Variants in ZFPM2 observed in about 807,000 individuals in gnomAD.
ZFPM2 encodes the protein zinc finger protein ZFPM2.
A neutral mutation model predicts 98.6 loss-of-function variants in ZFPM2; 20 were observed. That is an observed-to-expected ratio of 0.20 (90% CI 0.14 to 0.29). The LOEUF (loss-of-function observed/expected upper bound fraction) is 0.29. ZFPM2 is among the 10% of genes least tolerant of loss of function. The pLI is 1.00. For synonymous variants in ZFPM2, 518 were observed against 502.7 expected, an observed-to-expected ratio of 1.03 and a Z score of -0.41; for missense variants, 1,310 against 1,388.6, an observed-to-expected ratio of 0.94 and a Z score of 0.90.
chr8:105,382,129 G>A (rs2129882961), intron 1 of ZFPM2, among the ~76,000 whole-genome samples: 1 of 152,136 alleles, frequency 6.6e-6, no homozygotes, highest in Non-Finnish European at 1.5e-5. Context: ...TTATACTTTG[G>A]ATGAATACAG....
intron 3 of ZFPM2, among the ~76,000 whole-genome samples, chr8:105,474,295 C>T (rs1294368340): frequency 2.0e-5 from 3 of 152,116 alleles, no homozygotes; most frequent in South Asian, 2.1e-4. Context: ...AAAGTTATTA[C>T]GTTAGTCTTC....
chr8:105,802,041 C>T lies in ZFPM2; in HGVS notation c.1959C>T (p.Leu653=), dbSNP rs768178699. The change falls in exon 8 of 8, where the codon CTC becomes CTT. Residue 653 remains leucine, a synonymous_variant. Transcript: ENST00000407775. ...DKDFSTQTKK[L]STSSNNDDKI... ...ACTTTTCCACTCAAACTAAGAAGCT[C>T]TCCACCTCCAGTAACAATGATGACA... The T allele has an allele frequency of 1.2e-6, 2 of 1,613,828 alleles. No homozygotes were observed. Among genetic ancestry groups the T allele is most frequent in the Non-Finnish European group, 1.7e-6 (2 of 1,179,880 alleles).
chr8:105,401,480 A>G (rs1223334451), intron 1 of ZFPM2, among the ~76,000 whole-genome samples: 1 of 152,082 alleles, frequency 6.6e-6, no homozygotes, highest in Non-Finnish European at 1.5e-5. Flanking sequence ...AAGATTTCCC[A>G]TACTTTTTCT....
intron 5 of ZFPM2, among the ~76,000 whole-genome samples, chr8:105,673,234 G>A (rs1400402525): frequency 3.8e-5 from 2 of 52,568 alleles, no homozygotes; most frequent in Non-Finnish European, 7.2e-5. Flanking sequence ...TATATACCTT[G>A]TCTAAAATTT....
chr8:105,622,603 A>G lies in ZFPM2; in HGVS notation c.421-11643A>G, dbSNP rs12546848. On this transcript the variant is annotated intron_variant, in intron 4 of 7. Coordinates refer to ENST00000407775, the MANE Select transcript of ZFPM2 (RefSeq NM_012082.4). Reference sequence around the variant, plus strand: ...CTTAGCATGCTCCATTAGTTGCCCCAGGCTGACAGAGATGCTGAACAAAGG... The same window carrying G: ...CTTAGCATGCTCCATTAGTTGCCCCGGGCTGACAGAGATGCTGAACAAAGG... Among the ~76,000 whole-genome samples the G allele has an allele frequency of 5.0e-3, 755 of 152,260 alleles. 10 individuals carry two copies. Among genetic ancestry groups the G allele is most frequent in the Admixed American group, 0.018 (268 of 15,276 alleles).
At chr8:105,795,915 T>C in intron 6 of ZFPM2, 1 of 308,360 alleles carries the variant, frequency 3.2e-6, no homozygotes, top group Non-Finnish European at 6.5e-6. Context: ...AAAAATTGCA[T>C]CTAATCAAAA....
rs1259385822 is a variant in ZFPM2 at position 105,407,284 on chromosome 8, C to G, written c.41-11860C>G. 2.6e-5 allele frequency among the ~76,000 whole-genome samples: 4 copies of G among 151,794 alleles called. No homozygotes were observed. In the East Asian group the frequency reaches 7.7e-4, roughly 29 times the overall value. ...GAAAAAGATTATTCACACATAAAAA[C>G]CAATATATTTTACTTCACGCTATTT... On this transcript the variant is annotated intron_variant, in intron 1 of 7. Coordinates refer to ENST00000407775, the MANE Select transcript of ZFPM2 (RefSeq NM_012082.4).
At chr8:105,674,292 C>G (rs895700608) in intron 5 of ZFPM2, among the ~76,000 whole-genome samples, 6 of 152,212 alleles carry the variant, frequency 3.9e-5, no homozygotes, top group African/African-American at 1.4e-4. Context: ...TATGAAATGG[C>G]CTGCCTGCCT....
chr8:105,498,393 T>G (rs1813518963), intron 3 of ZFPM2, among the ~76,000 whole-genome samples: 1 of 152,214 alleles, frequency 6.6e-6, no homozygotes. Flanking sequence ...CATGTGCTGA[T>G]TGATCACCTA....
intron 5 of ZFPM2, among the ~76,000 whole-genome samples, chr8:105,783,680 T>C (rs1813328847): frequency 6.6e-6 from 1 of 152,190 alleles, no homozygotes; most frequent in Admixed American, 6.5e-5. Flanking sequence ...CAGTACAATG[T>C]CCTCAAGCTT....
intron 2 of ZFPM2, among the ~76,000 whole-genome samples, chr8:105,426,918 C>T (rs1811925152): frequency 1.3e-5 from 2 of 152,148 alleles, no homozygotes; most frequent in Admixed American, 6.5e-5. Flanking sequence ...GATCATGCCA[C>T]TGCACTCCAG....
intron 1 of ZFPM2, among the ~76,000 whole-genome samples, chr8:105,386,092 G>T (rs988912839): frequency 6.6e-6 from 1 of 152,102 alleles, no homozygotes; most frequent in African/African-American, 2.4e-5. Context: ...TTCAATAGGT[G>T]CTCAGTAAAA....
intron 5 of ZFPM2, among the ~76,000 whole-genome samples, chr8:105,670,475 G>T (rs1475560496): frequency 2.5e-5 from 3 of 118,684 alleles, no homozygotes; most frequent in Non-Finnish European, 4.8e-5. Flanking sequence ...CAGCCTGGGC[G>T]ACAGAGCGAG....
chr8:105,446,285 T>A (rs1812368547), intron 3 of ZFPM2, among the ~76,000 whole-genome samples: 1 of 152,168 alleles, frequency 6.6e-6, no homozygotes, highest in South Asian at 2.1e-4. Flanking sequence ...CATTTAAAAG[T>A]TTAGTTGGCC....
At chr8:105,706,817 T>A (rs1446318585) in intron 5 of ZFPM2, among the ~76,000 whole-genome samples, 2 of 152,136 alleles carry the variant, frequency 1.3e-5, no homozygotes, top group South Asian at 2.1e-4. Flanking sequence ...TGACCTCAAA[T>A]GATCCACCCG....
chr8:105,365,421 G>T (rs182879995), intron 1 of ZFPM2, among the ~76,000 whole-genome samples: 1 of 152,162 alleles, frequency 6.6e-6, no homozygotes, highest in Admixed American at 6.5e-5. Flanking sequence ...CAAACTTAAG[G>T]AATGAAGTAA....
At chr8:105,431,663 C>T (rs574576246) in intron 2 of ZFPM2, among the ~76,000 whole-genome samples, 10 of 152,162 alleles carry the variant, frequency 6.6e-5, no homozygotes, top group South Asian at 4.1e-4. Context: ...CCTGTAATCC[C>T]GGCACTTTGG....
chr8:105,567,847 T>C (rs1433179915), intron 4 of ZFPM2, among the ~76,000 whole-genome samples: 1 of 152,088 alleles, frequency 6.6e-6, no homozygotes, highest in Admixed American at 6.5e-5. Flanking sequence ...ACCCATATTC[T>C]CCATCTTTCC....
In ZFPM2 at chr8:105,802,118, A is replaced by G. The variant is rs753794822; in HGVS notation, c.2036A>G (p.Asp679Gly). The G allele has an allele frequency of 1.2e-6, 2 of 1,613,872 alleles. No individual in the cohort carries two copies. The highest frequency in any genetic ancestry group is 4.5e-5 in the East Asian group (2 of 44,854). Reference protein sequence around the residue: ...DVKNPSVPLVDGESDPNKTTC... With the variant: ...DVKNPSVPLVGGESDPNKTTC... ...AAAAATCCCAGTGTCCCCTTAGTGG[A>G]TGGGGAAAGTGACCCAAATAAGACT... Residue 679 changes from aspartate (D) to glycine (G), a missense_variant, in exon 8 of 8, where the codon GAT (aspartate) becomes GGT (glycine). Transcript: ENST00000407775.
Sources: allele counts gnomAD v4.1 joint callset (sites outside exome capture counted in the v4.1 genomes callset), GRCh38; gene constraint gnomAD v4.1.1; transcripts MANE v1.5; gene names NCBI Gene and HGNC (gene_info 2026-07-23, HGNC 2026-07-21).